Variants in ATAD2 observed in about 807,000 individuals in gnomAD.
ATAD2 encodes ATPase family AAA domain-containing protein 2.
A neutral mutation model predicts 168.9 loss-of-function variants in ATAD2; 62 were observed. That is an observed-to-expected ratio of 0.37 (90% CI 0.30 to 0.45). The LOEUF (loss-of-function observed/expected upper bound fraction) is 0.45. ATAD2 is among the 20% of genes least tolerant of loss of function. The pLI is 1.00. For synonymous variants in ATAD2, 613 were observed against 571.6 expected (o/e 1.07, Z -1.03); for missense variants, 1,419 against 1,667.8 (o/e 0.85, Z 2.60).
At chr8:123,363,943 C>T (rs1028491114) in intron 8 of ATAD2, among the ~76,000 whole-genome samples, 3 of 152,100 alleles carry the variant, frequency 2.0e-5, no homozygotes, top group African/African-American at 7.2e-5. Flanking sequence ...AATCTGCATT[C>T]TATACATTAC....
rs552923118 is a variant in ATAD2, at chr8:123,388,964, TTCTC to T, written c.171+7219_171+7222del. On this transcript the variant is annotated intron_variant, in intron 1 of 27. Transcript: ENST00000287394. ...ATTCTTTTTGTGCTTTGCTGTTTTC[TTCTC>T]TCTCTTTTTTTTTTTTGACACAGAG... Among the ~76,000 whole-genome samples, 229 of 151,204 alleles carry T rather than the reference TTCTC, an allele frequency of 1.5e-3. No homozygotes were observed. The South Asian group carries it at 0.017, about 11-fold the overall frequency.
chr8:123,327,760 T>C (rs937255885), intron 25 of ATAD2, among the ~76,000 whole-genome samples: 14 of 152,058 alleles, frequency 9.2e-5, no homozygotes, highest in African/African-American at 3.4e-4. Flanking sequence ...GATAGAAAAA[T>C]GATCGGGGTA....
chr8:123,394,172 C>CCGAGGTGATTTT (rs1812722197), intron 1 of ATAD2, among the ~76,000 whole-genome samples: 1 of 151,814 alleles, frequency 6.6e-6, no homozygotes, highest in East Asian at 1.9e-4. Flanking sequence ...TGAATCCTAA[C>CCGAGGTGATTTT]CATATGCTAA....
At chr8:123,351,549 T>C (rs969544520) in intron 13 of ATAD2, among the ~76,000 whole-genome samples, 7 of 152,192 alleles carry the variant, frequency 4.6e-5, no homozygotes, top group African/African-American at 1.7e-4. Flanking sequence ...ATCATTTCTT[T>C]TGCATTTATT....
In ATAD2 at chr8:123,336,464, T is replaced by C. The variant is rs1206307439; in HGVS notation, c.3120A>G (p.Leu1040=). ...DLSSVISKID[L]HKYLTVKDYL... ...AGTCTTTCACAGTCAGATACTTGTG[T>C]AGATCAATTTTACTGATTACAGATG... Residue 1040 remains leucine, a synonymous_variant, in exon 22 of 28, where the codon CTA becomes CTG. Coordinates refer to ENST00000287394, the MANE Select transcript of ATAD2 (RefSeq NM_014109.4). The C allele has an allele frequency of 6.4e-7, 1 of 1,574,488 alleles. No homozygotes were observed. The highest frequency in any genetic ancestry group is 1.2e-5 in the South Asian group (1 of 83,462).
chr8:123,328,479 G>C lies in ATAD2; in HGVS notation c.3579C>G (p.Ala1193=). The C allele has an allele frequency of 6.2e-7, 1 of 1,607,714 alleles. No individual in the cohort carries two copies. The highest frequency in any genetic ancestry group is 8.5e-7 in the Non-Finnish European group (1 of 1,177,416). ...TATCACTCTCAATTTTGTGATCTAT[G>C]GCATTCTGGCTATCATCCTTTGCCT... ...ISQAKDDSQN[A]IDHKIESDTE... is the part of the protein sequence containing the mutation. Residue 1193 remains alanine, a synonymous_variant, in exon 25 of 28, where the codon GCC becomes GCG. Coordinates refer to ENST00000287394, the MANE Select transcript of ATAD2 (RefSeq NM_014109.4).
At chr8:123,391,486 A>G (rs376419234) in intron 1 of ATAD2, among the ~76,000 whole-genome samples, 57 of 6,588 alleles carry the variant, frequency 8.7e-3, no homozygotes, top group East Asian at 0.05. Context: ...AGAAGTTTTG[A>G]AAAAAAAAAA....
chr8:123,379,978 C>T (rs1425917324), intron 2 of ATAD2, among the ~76,000 whole-genome samples: 2 of 151,688 alleles, frequency 1.3e-5, no homozygotes, highest in Non-Finnish European at 2.9e-5. Context: ...CCTCCACCTC[C>T]TGGGTTCAAG....
At position 123,369,038 on chromosome 8, in the gene ATAD2, T is replaced by C. The variant is rs1586888635; in HGVS notation, c.1049+20A>G. Reference sequence around the variant, plus strand: ...AAACAATTATGTTGTCATAAATCAATCACTATATCAGAACCAAACCTGTTC... The same window carrying C: ...AAACAATTATGTTGTCATAAATCAACCACTATATCAGAACCAAACCTGTTC... On this transcript the variant is annotated intron_variant, in intron 8 of 27. Transcript: ENST00000287394. The C allele has an allele frequency of 7.1e-7, 1 of 1,403,136 alleles. No individual in the cohort carries two copies. Among genetic ancestry groups the C allele is most frequent in the Non-Finnish European group, 9.9e-7 (1 of 1,011,510 alleles). The allele number at this position is 1,403,136 out of a possible 1,614,324, so 86.9% of individuals were successfully genotyped here.
chr8:123,360,598 A>C (rs1234526665), intron 9 of ATAD2, among the ~76,000 whole-genome samples: 1 of 152,120 alleles, frequency 6.6e-6, no homozygotes, highest in African/African-American at 2.4e-5. Context: ...AGAAATAGTT[A>C]TGGCCAGGTG....
At chr8:123,396,461 CCGCGCCAGCGGCCGCAGCGCG>C, upstream of ATAD2, 1 of 1,278,004 alleles carries the variant, frequency 7.8e-7, no homozygotes, top group Non-Finnish European at 1.0e-6. Context: ...GCCACAAGCT[CCGCGCCAGCGGCCGCAGCGCG>C]CGCGCCCAGA....
intron 1 of ATAD2, 200 bp from the exon 2 acceptor site, chr8:123,380,877 C>G (rs1829474718): frequency 1.8e-6 from 1 of 554,396 alleles, no homozygotes; most frequent in African/African-American, 1.9e-5. Context: ...GTCTATGAAG[C>G]AGCTAATATA....
intron 8 of ATAD2, among the ~76,000 whole-genome samples, chr8:123,364,009 CAAT>C (rs1187040079): frequency 3.3e-5 from 5 of 152,094 alleles, no homozygotes; most frequent in Admixed American, 3.3e-4. Context: ...TAAAAGCAAA[CAAT>C]AACACAACCT....
chr8:123,401,391 G>C, upstream of ATAD2: 1 of 1,392,928 alleles, frequency 7.2e-7, no homozygotes, highest in Non-Finnish European at 1.0e-6. Flanking sequence ...TCATAGTCTT[G>C]GACTTGTCCG....
chr8:123,401,400 C>G, upstream of ATAD2: 2 of 1,386,138 alleles, frequency 1.4e-6, no homozygotes, highest in Non-Finnish European at 2.0e-6. Flanking sequence ...TGGACTTGTC[C>G]GAAGGGAACT....
chr8:123,395,113 A>C (rs1168685363), intron 1 of ATAD2, among the ~76,000 whole-genome samples: 2 of 152,148 alleles, frequency 1.3e-5, no homozygotes, highest in African/African-American at 4.8e-5. Context: ...TGAGCCTCTC[A>C]TTCTCATTCC....
intron 2 of ATAD2, among the ~76,000 whole-genome samples, chr8:123,373,069 T>A (rs898182152): frequency 1.3e-5 from 2 of 151,800 alleles, no homozygotes; most frequent in East Asian, 3.9e-4. Context: ...ATTTTTTGGA[T>A]TTTTAGTAGA....
In ATAD2 at chr8:123,369,967, T is replaced by C. The variant is rs779735906; in HGVS notation, c.785A>G (p.Asp262Gly). ...EHEDDGEDED[D>G]EDDDDDDDDD... ...ATCGTCATCATCATCATCATCTTCA[T>C]CATCTTCATCTTCACCATCATCTTC... The change falls in exon 7 of 28, where the codon GAT becomes GGT. Residue 262 changes from aspartate (D) to glycine (G), a missense_variant. Around this residue, in one of 5 missense-constraint regions of ATAD2, gnomAD observed 419 missense variants for 423.5 expected, o/e 0.99. Transcript: ENST00000287394. 2.9e-5 allele frequency: 46 copies of C among 1,577,422 alleles called. No homozygotes were observed. Among genetic ancestry groups the C allele is most frequent in the Non-Finnish European group, 3.9e-5 (45 of 1,149,356 alleles).
intron 9 of ATAD2, among the ~76,000 whole-genome samples, chr8:123,360,520 T>A (rs1182988895): frequency 6.6e-6 from 1 of 152,168 alleles, no homozygotes; most frequent in African/African-American, 2.4e-5. Flanking sequence ...TTTTTGTACT[T>A]TTAGTCGAGA....
Sources: allele counts gnomAD v4.1 joint callset (sites outside exome capture counted in the v4.1 genomes callset), GRCh38; gene constraint gnomAD v4.1.1; regional missense constraint gnomAD v4.1.1; transcripts MANE v1.5; gene names NCBI Gene and HGNC (gene_info 2026-07-23, HGNC 2026-07-21).